Variants in RPH3A observed in about 807,000 individuals in gnomAD.
RPH3A encodes the protein rabphilin-3A.
In RPH3A, 48 loss-of-function variants were observed where a neutral mutation model predicts 102.2. That is an observed-to-expected ratio of 0.47 (90% CI 0.37 to 0.60). RPH3A has a LOEUF of 0.60. Ranked by LOEUF, RPH3A falls within the 20% of genes least tolerant of loss-of-function variation. RPH3A has a pLI of 0.00. For synonymous variants in RPH3A, 310 were observed against 324.3 expected, an observed-to-expected ratio of 0.96 and a Z score of 0.47; for missense variants, 781 against 910.1, an observed-to-expected ratio of 0.86 and a Z score of 1.83.
At chr12:112,629,665 C>CA (rs1951947408) in intron 1 of RPH3A, among the ~76,000 whole-genome samples, 1 of 151,730 alleles carries the variant, frequency 6.6e-6, no homozygotes, top group South Asian at 2.1e-4. Flanking sequence ...TTTGTAGGGA[C>CA]AAAGTCTCAC....
At chr12:112,660,234 T>C (rs1037194370) in intron 1 of RPH3A, among the ~76,000 whole-genome samples, 5 of 152,224 alleles carry the variant, frequency 3.3e-5, no homozygotes, top group Admixed American at 6.5e-5. Context: ...AGTCTATATA[T>C]TGAAAACCAT....
At chr12:112,821,757 G>A (rs1198707039) in intron 2 of RPH3A, among the ~76,000 whole-genome samples, 3 of 152,078 alleles carry the variant, frequency 2.0e-5, no homozygotes, top group Admixed American at 2.0e-4. Context: ...CTTATTGTCA[G>A]TCTTCCCTAC....
intron 5 of RPH3A, among the ~76,000 whole-genome samples, chr12:112,849,706 T>G (rs1353935750): frequency 6.6e-6 from 1 of 152,176 alleles, no homozygotes; most frequent in Non-Finnish European, 1.5e-5. Context: ...ACATAATAGG[T>G]GCACAGCAAA....
At chr12:112,608,755 C>G (rs1250781265) in intron 1 of RPH3A, among the ~76,000 whole-genome samples, 1 of 152,120 alleles carries the variant, frequency 6.6e-6, no homozygotes. Flanking sequence ...GTGTTTTGGA[C>G]CAAGCCTTCA....
intron 1 of RPH3A, among the ~76,000 whole-genome samples, chr12:112,691,204 T>C (rs1318711130): frequency 6.6e-6 from 1 of 152,134 alleles, no homozygotes; most frequent in Non-Finnish European, 1.5e-5. Flanking sequence ...TTTTATATTT[T>C]TAGTAGAGAC....
intron 5 of RPH3A, among the ~76,000 whole-genome samples, chr12:112,851,903 A>G (rs1309751773): frequency 6.6e-6 from 1 of 152,266 alleles, no homozygotes; most frequent in African/African-American, 2.4e-5. Flanking sequence ...ACAAGAAAGG[A>G]AACTAATTCC....
chr12:112,848,922 C>T (rs2042276211), intron 5 of RPH3A, among the ~76,000 whole-genome samples: 1 of 152,068 alleles, frequency 6.6e-6, no homozygotes, highest in African/African-American at 2.4e-5. Context: ...TGCCGGGATA[C>T]AGAGAGGCCA....
Position 112,712,153 on chromosome 12 carries a change from G to A in RPH3A, c.-139-79990G>A, listed in dbSNP as rs139168201. On this transcript the variant is annotated intron_variant, in intron 1 of 21. Coordinates refer to the RPH3A transcript ENST00000543106. ...GGCCTCTGTACATTTTAGTTCTTAG[G>A]TTAATTTTGGTTCTGTCATCTGAAT... Among the ~76,000 whole-genome samples, 140 of 152,180 alleles carry A rather than the reference G, an allele frequency of 9.2e-4. 1 individual carries two copies. The Middle Eastern group carries it at 0.01, about 11-fold the overall frequency.
Position 112,884,813 on chromosome 12 carries a change from A to T in RPH3A, c.1436+1411A>T, listed in dbSNP as rs548410755. The stretch of plus-strand genomic sequence containing the variant: ...TTGATGAATTTTCACAATAGTGAAC[A>T]TACTGGGCTTAAGGAATGGAACATT... On this transcript the variant is annotated intron_variant, in intron 16 of 21. Transcript: ENST00000389385. 5.3e-5 allele frequency among the ~76,000 whole-genome samples: 8 copies of T among 152,354 alleles called. No homozygotes were observed. In the South Asian group the frequency reaches 1.7e-3, roughly 32 times the overall value.
At chr12:112,588,312 C>G (rs2039452188) in intron 1 of RPH3A, among the ~76,000 whole-genome samples, 1 of 152,158 alleles carries the variant, frequency 6.6e-6, no homozygotes, top group African/African-American at 2.4e-5. Flanking sequence ...GTTTAATGAA[C>G]TCACAGTTCC....
intron 1 of RPH3A, among the ~76,000 whole-genome samples, chr12:112,611,193 C>T (rs879258392): frequency 1.3e-5 from 2 of 152,178 alleles, no homozygotes; most frequent in Non-Finnish European, 1.5e-5. Flanking sequence ...TTCTTTCTTA[C>T]CTTTTAGCTT....
intron 3 of RPH3A, among the ~76,000 whole-genome samples, chr12:112,833,068 G>A (rs1007345995): frequency 2.0e-5 from 3 of 151,772 alleles, no homozygotes; most frequent in Admixed American, 6.6e-5. Context: ...TCCAAATGGG[G>A]TTTCACCATG....
intron 2 of RPH3A, among the ~76,000 whole-genome samples, chr12:112,815,777 G>C (rs2041661126): frequency 6.6e-6 from 1 of 152,142 alleles, no homozygotes; most frequent in Admixed American, 6.5e-5. Flanking sequence ...TTTCTGTGTG[G>C]GGCCAGTGTG....
At chr12:112,799,971 C>G (rs73427013) in intron 2 of RPH3A, among the ~76,000 whole-genome samples, 1 of 152,182 alleles carries the variant, frequency 6.6e-6, no homozygotes, top group Admixed American at 6.5e-5. Context: ...CTCATTCCCC[C>G]ATTCCCTCCT....
intron 1 of RPH3A, among the ~76,000 whole-genome samples, chr12:112,734,603 G>A (rs1038015278): frequency 1.3e-5 from 2 of 152,222 alleles, no homozygotes; most frequent in African/African-American, 4.8e-5. Context: ...TCCATAGGCA[G>A]AGCAGCAGCT....
intron 1 of RPH3A, among the ~76,000 whole-genome samples, chr12:112,595,124 G>A (rs1000764927): frequency 6.6e-6 from 1 of 150,862 alleles, no homozygotes; most frequent in Non-Finnish European, 1.5e-5. Flanking sequence ...ACCTCTCTGT[G>A]CTTCCATTTT....
At chr12:112,732,726 A>G (rs1214324217) in intron 1 of RPH3A, among the ~76,000 whole-genome samples, 2 of 152,110 alleles carry the variant, frequency 1.3e-5, no homozygotes, top group African/African-American at 4.8e-5. Context: ...TTGGTTCAAT[A>G]TGGTCAGGCC....
Position 112,648,514 on chromosome 12 carries a change from C to T in RPH3A, c.-140+73195C>T, listed in dbSNP as rs144642171. Among the ~76,000 whole-genome samples, 950 of 132,232 alleles carry T rather than the reference C, an allele frequency of 7.2e-3. 8 individuals are homozygous for T. Among genetic ancestry groups the T allele is most frequent in the Middle Eastern group, 0.044 (10 of 226 alleles). 86.7% of individuals were successfully genotyped at this position (132,232 alleles called of 152,430 possible). ...CTTTGGGAGGCTGAGGTGGGACGAT[C>T]GCTGAGCCCAGGAGTTTGAGACCAG... On this transcript the variant is annotated intron_variant, in intron 1 of 21. Coordinates refer to the RPH3A transcript ENST00000543106.
At chr12:112,710,555 G>A (rs530595763) in intron 1 of RPH3A, among the ~76,000 whole-genome samples, 15 of 152,308 alleles carry the variant, frequency 9.8e-5, no homozygotes, top group Middle Eastern at 6.8e-3. Flanking sequence ...TATTTGTAGT[G>A]TTGTGACACG....
Sources: allele counts gnomAD v4.1 joint callset (sites outside exome capture counted in the v4.1 genomes callset), GRCh38; gene constraint gnomAD v4.1.1; transcripts MANE v1.5; gene names NCBI Gene and HGNC (gene_info 2026-07-23, HGNC 2026-07-21).